Variants in RNF170 observed in about 807,000 individuals in gnomAD.
RNF170 encodes the protein E3 ubiquitin-protein ligase RNF170.
Under a neutral mutation model 32.7 loss-of-function variants are expected in RNF170, and 12 were observed. The ratio of observed to expected loss-of-function variants is 0.37; its 90% CI spans 0.24 to 0.60. The LOEUF (loss-of-function observed/expected upper bound fraction) is 0.60. RNF170 is among the 20% of genes least tolerant of loss of function. The pLI, the probability that RNF170 is intolerant of heterozygous loss-of-function variation, is 0.72. For missense variants in RNF170, 212 were observed against 311.2 expected (o/e 0.68, Z 2.40); for synonymous variants, 91 against 103.6 (o/e 0.88, Z 0.74).
At chr8:42,896,682 C>T (rs1441528247), upstream of RNF170, 2 of 423,322 alleles carry the variant, frequency 4.7e-6, no homozygotes, top group Admixed American at 2.5e-5. Context: ...TCGCCGCAGC[C>T]TCCAGGGCGG....
In RNF170 at chr8:42,853,388, T is replaced by G. The variant is rs1297635874; in HGVS notation, c.*2771A>C. On this transcript the variant is annotated 3_prime_UTR_variant, in exon 7 of 7. Coordinates refer to ENST00000527424, the MANE Select transcript of RNF170 (RefSeq NM_030954.4). Reference sequence around the variant, plus strand: ...GGTTTGAACCAAACCACCAGTCTTCTACAACAACTCTGTGAGGTAGGTATC... The same window carrying G: ...GGTTTGAACCAAACCACCAGTCTTCGACAACAACTCTGTGAGGTAGGTATC... 7.8e-7 allele frequency: 1 copy of G among 1,285,116 alleles called. No homozygotes were observed. Among genetic ancestry groups the G allele is most frequent in the East Asian group, 5.6e-5 (1 of 18,018 alleles). 79.6% of individuals were successfully genotyped at this position (1,285,116 alleles called of 1,614,324 possible). A position where few individuals can be genotyped will look rare whatever the true frequency, so the allele number is the denominator to read the frequency against.
upstream of RNF170, chr8:42,896,935 T>G (rs1190657150): frequency 5.2e-6 from 2 of 381,554 alleles, no homozygotes; most frequent in African/African-American, 2.2e-5. Flanking sequence ...TGGCGCGCGG[T>G]CCCGAGTGAA....
intron 5 of RNF170, among the ~76,000 whole-genome samples, chr8:42,863,683 G>A (rs968994112): frequency 6.6e-6 from 1 of 152,092 alleles, no homozygotes. Flanking sequence ...CTTGTGATCT[G>A]CCCGCCTCAG....
At chr8:42,870,263 T>C in intron 3 of RNF170, 151 bp from the exon 4 acceptor site, 1 of 701,030 alleles carries the variant, frequency 1.4e-6, no homozygotes, top group Non-Finnish European at 2.6e-6. Flanking sequence ...ATTTTAAGAA[T>C]GTTATGAGGC....
intron 4 of RNF170, among the ~76,000 whole-genome samples, chr8:42,868,336 C>T (rs990089833): frequency 6.6e-6 from 1 of 152,064 alleles, no homozygotes; most frequent in African/African-American, 2.4e-5. Context: ...ATTTACAGGA[C>T]GATTATATGC....
chr8:42,884,956 C>A (rs77134915), intron 2 of RNF170, among the ~76,000 whole-genome samples: 4 of 34,220 alleles, frequency 1.2e-4, no homozygotes, highest in Non-Finnish European at 2.6e-4. Flanking sequence ...CCTGCCTCAG[C>A]CTCCCAAAGT....
intron 3 of RNF170, among the ~76,000 whole-genome samples, chr8:42,872,736 T>C (rs1372511160): frequency 1.3e-5 from 2 of 151,892 alleles, no homozygotes; most frequent in African/African-American, 4.8e-5. Flanking sequence ...CCACTGCACC[T>C]GGCCCCGCTT....
At chr8:42,868,636 C>T (rs891379664) in intron 4 of RNF170, among the ~76,000 whole-genome samples, 3 of 151,918 alleles carry the variant, frequency 2.0e-5, no homozygotes, top group Admixed American at 6.6e-5. Flanking sequence ...GGGTGGATCA[C>T]GATGTCAGGA....
intron 6 of RNF170, among the ~76,000 whole-genome samples, chr8:42,860,569 CA>C (rs1000225705): frequency 6.6e-6 from 1 of 151,462 alleles, no homozygotes; most frequent in African/African-American, 2.4e-5. Flanking sequence ...ACTACAGGCA[CA>C]AACCACCATA....
intron 4 of RNF170, among the ~76,000 whole-genome samples, chr8:42,867,925 G>A (rs1028468584): frequency 6.6e-6 from 1 of 151,928 alleles, no homozygotes; most frequent in African/African-American, 2.4e-5. Flanking sequence ...CAAGAGGGAG[G>A]ACACTTCAGG....
At chr8:42,875,920 C>G (rs1328319973) in intron 2 of RNF170, among the ~76,000 whole-genome samples, 1 of 152,114 alleles carries the variant, frequency 6.6e-6, no homozygotes, top group Non-Finnish European at 1.5e-5. Context: ...AAATAAGGCA[C>G]ATTTTTATGA....
At position 42,853,996 on chromosome 8, in the gene RNF170, T is replaced by C; in HGVS notation, c.*2163A>G. 7.8e-7 allele frequency: 1 copy of C among 1,286,996 alleles called. No homozygotes were observed. The highest frequency in any genetic ancestry group is 1.0e-6 in the Non-Finnish European group (1 of 988,572). The allele number at this position is 1,286,996 out of a possible 1,614,324, so 79.7% of individuals were successfully genotyped here. A position where few individuals can be genotyped will look rare whatever the true frequency, so the allele number is the denominator to read the frequency against. On this transcript the variant is annotated 3_prime_UTR_variant, in exon 7 of 7. Transcript: ENST00000527424. ...TCCTGTCAAAAAATGACATCACCAT[T>C]CCCCCACACCAAATGTGTAATTGGT...
intron 3 of RNF170, 41 bp from the exon 4 acceptor site, chr8:42,870,153 G>A (rs1804419718): frequency 1.4e-6 from 2 of 1,386,386 alleles, no homozygotes; most frequent in East Asian, 4.6e-5. Context: ...CACAACACAT[G>A]TGGCCCTCAA....
chr8:42,895,623 GAAC>G (rs1806736558), intron 1 of RNF170, among the ~76,000 whole-genome samples: 1 of 152,184 alleles, frequency 6.6e-6, no homozygotes, highest in South Asian at 2.1e-4. Context: ...GCCTCAGTCT[GAAC>G]AAAATGCCCA....
upstream of RNF170, chr8:42,897,075 C>G (rs1280487601): frequency 2.5e-6 from 3 of 1,214,918 alleles, no homozygotes; most frequent in Non-Finnish European, 3.1e-6. Flanking sequence ...GATCCCCCGA[C>G]AGAGCGGCGG....
intron 2 of RNF170, among the ~76,000 whole-genome samples, chr8:42,879,752 G>A (rs1299072845): frequency 1.3e-5 from 2 of 151,664 alleles, no homozygotes; most frequent in East Asian, 1.9e-4. Flanking sequence ...TTGGCTTGCC[G>A]GAACCTCTGT....
Position 42,868,851 on chromosome 8 carries a change from C to CAA in RNF170, c.322+1151_322+1152dup, listed in dbSNP as rs56822241. The stretch of plus-strand genomic sequence containing the variant: ...TGGGCGACAAGGCGAGACTGCATTT[C>CAA]AAAAAAAAAAAAAAAAAAATTGGCT... On this transcript the variant is annotated intron_variant, in intron 4 of 6. Coordinates refer to ENST00000527424, the MANE Select transcript of RNF170 (RefSeq NM_030954.4). 3.7e-4 allele frequency among the ~76,000 whole-genome samples: 27 copies of CAA among 73,714 alleles called. 1 individual carries two copies. Among genetic ancestry groups the CAA allele is most frequent in the African/African-American group, 7.9e-4 (16 of 20,272 alleles). The allele number at this position is 73,714 out of a possible 152,430, so 48.4% of individuals were successfully genotyped here. A position where few individuals can be genotyped will look rare whatever the true frequency, so the allele number is the denominator to read the frequency against.
intron 2 of RNF170, among the ~76,000 whole-genome samples, chr8:42,879,039 T>G (rs539102594): frequency 2.0e-5 from 3 of 152,312 alleles, no homozygotes; most frequent in Admixed American, 2.0e-4. Context: ...TGACTTTCTT[T>G]GAAAATATTA....
chr8:42,861,513 T>G, intron 6 of RNF170: 1 of 462,012 alleles, frequency 2.2e-6, no homozygotes, highest in South Asian at 2.1e-5. Flanking sequence ...TCCAATTTTT[T>G]GGTGTTTTTT....
Sources: allele counts gnomAD v4.1 joint callset (sites outside exome capture counted in the v4.1 genomes callset), GRCh38; gene constraint gnomAD v4.1.1; transcripts MANE v1.5; gene names NCBI Gene and HGNC (gene_info 2026-07-23, HGNC 2026-07-21).